NUMB: variants seen among roughly 807,000 people sequenced by gnomAD.
NUMB encodes the protein protein numb homolog.
A neutral mutation model predicts 59.7 loss-of-function variants in NUMB; 29 were observed. The observed-to-expected ratio is 0.49, with a 90% CI of 0.36 to 0.66. NUMB has a LOEUF of 0.66. NUMB is among the 30% of genes least tolerant of loss of function. The pLI, the probability that NUMB is intolerant of heterozygous loss-of-function variation, is 0.00. For synonymous variants in NUMB, 288 were observed against 288.2 expected, an observed-to-expected ratio of 1.00 and a Z score of 0.01; for missense variants, 723 against 822.0, an observed-to-expected ratio of 0.88 and a Z score of 1.47.
chr14:73,435,095 C>T (rs1435917867), intron 1 of NUMB, among the ~76,000 whole-genome samples: 3 of 152,038 alleles, frequency 2.0e-5, no homozygotes, highest in Non-Finnish European at 4.4e-5. Context: ...CTGGAAAACA[C>T]AAGTTACAAC....
intron 6 of NUMB, among the ~76,000 whole-genome samples, chr14:73,311,106 C>A (rs1320928487): frequency 6.6e-6 from 1 of 152,088 alleles, no homozygotes; most frequent in Non-Finnish European, 1.5e-5. Context: ...GGCTGAAGTG[C>A]AGTGTCATGA....
chr14:73,335,095 T>C (rs150300663), intron 4 of NUMB, among the ~76,000 whole-genome samples: 1 of 151,994 alleles, frequency 6.6e-6, no homozygotes, highest in East Asian at 1.9e-4. Flanking sequence ...TAAGGCTCAT[T>C]TCTACTACTA....
chr14:73,395,037 T>TTGTGTGTGTGTGTGTGTGTGTG lies in NUMB; in HGVS notation c.-101+14878_-101+14899dup, dbSNP rs3028731. Among the ~76,000 whole-genome samples the TTGTGTGTGTGTGTGTGTGTGTG allele has an allele frequency of 2.6e-4, 31 of 119,996 alleles. 1 individual carries two copies. The highest frequency in any genetic ancestry group is 5.2e-4 in the East Asian group (2 of 3,814). 78.7% of individuals were successfully genotyped at this position (119,996 alleles called of 152,430 possible). ...TTAAGGTTGAATAGTATTCGTGTGTTTGTGTGTGTGTGTGTGTGTGTGTGT... is the reference window on the plus strand; with the variant it reads ...TTAAGGTTGAATAGTATTCGTGTGTTTGTGTGTGTGTGTGTGTGTGTGTGTGTGTGTGTGTGTGTGTGTGTGT... On this transcript the variant is annotated intron_variant, in intron 2 of 12. Transcript: ENST00000555238.
intron 2 of NUMB, among the ~76,000 whole-genome samples, chr14:73,407,269 C>T (rs1324559167): frequency 6.6e-6 from 1 of 151,964 alleles, no homozygotes; most frequent in Admixed American, 6.6e-5. Context: ...CTGGGCAATA[C>T]AGCAAAACCC....
chr14:73,449,877 G>A (rs1055351843), intron 1 of NUMB, among the ~76,000 whole-genome samples: 12 of 152,100 alleles, frequency 7.9e-5, no homozygotes, highest in African/African-American at 2.2e-4. Context: ...TAGTAGACAC[G>A]GGCTTTCGCC....
At chr14:73,278,706 G>A (rs1205481849) in intron 12 of NUMB, among the ~76,000 whole-genome samples, 1 of 149,542 alleles carries the variant, frequency 6.7e-6, no homozygotes, top group Admixed American at 6.7e-5. Context: ...ATTCTCTGAG[G>A]TGGGGCCCTG....
intron 11 of NUMB, 74 bp downstream of exon 11, chr14:73,282,285 C>T (rs1777686792): frequency 2.0e-6 from 3 of 1,496,638 alleles, no homozygotes; most frequent in Non-Finnish European, 2.7e-6. Context: ...AGGATGCCAA[C>T]TTACAGTTAG....
chr14:73,386,410 A>AT (rs1269321381), intron 2 of NUMB, among the ~76,000 whole-genome samples: 1 of 152,182 alleles, frequency 6.6e-6, no homozygotes, highest in East Asian at 1.9e-4. Context: ...ACCCACCCAT[A>AT]CACCACCAGA....
rs753217596 is a variant in NUMB at position 73,284,249 on chromosome 14, T to C, written c.781A>G (p.Ile261Val). The C allele has an allele frequency of 1.2e-6, 2 of 1,614,140 alleles. No individual in the cohort carries two copies. Among genetic ancestry groups the C allele is most frequent in the Non-Finnish European group, 8.5e-7 (1 of 1,180,014 alleles). ...TSLEMNNPHA[I>V]PRRHAPIEQL... is the part of the protein sequence containing the mutation. The stretch of plus-strand genomic sequence containing the variant: ...TCAATTGGAGCATGCCGGCGTGGGA[T>C]GGCATGAGGATTGTTCATCTCCAGA... The change falls in exon 10 of 13, where the codon ATC becomes GTC. Residue 261 changes from isoleucine (I) to valine (V), a missense_variant. Physicochemically the swap from Ile to Val is conservative, Grantham distance 29. Around this residue, in one of 2 missense-constraint regions of NUMB, gnomAD observed 317 missense variants for 436.6 expected, o/e 0.73. Coordinates refer to ENST00000555238, the MANE Select transcript of NUMB (RefSeq NM_001005743.2).
chr14:73,296,300 G>A (rs1889765597), intron 7 of NUMB, among the ~76,000 whole-genome samples: 1 of 152,164 alleles, frequency 6.6e-6, no homozygotes, highest in South Asian at 2.1e-4. Flanking sequence ...AAAATTAGCG[G>A]GGCATGGTGG....
At chr14:73,390,638 C>CTTTTTTTTTTTTTTTTTTTTTTTTTT in intron 2 of NUMB, among the ~76,000 whole-genome samples, 1 of 39,384 alleles carries the variant, frequency 2.5e-5, no homozygotes, top group Non-Finnish European at 4.7e-5. Context: ...AAAACAAAGT[C>CTTTTTTTTTTTTTTTTTTTTTTTTTT]TTTTTTTTTT....
In NUMB at chr14:73,355,698, C is replaced by T. The variant is rs771399543; in HGVS notation, c.54G>A (p.Glu18=). ...TCTGCCACTGATGTGGACGACTGGC[C>T]TCTGGAACATAAACATCCTTCTTTC... The part of the protein sequence containing the change: ...FRRKKDVYVP[E]ASRPHQWQTD... The change falls in exon 4 of 13, where the codon GAG becomes GAA. Residue 18 remains glutamate (E), a synonymous_variant. Transcript: ENST00000555238. 1.2e-6 allele frequency: 2 copies of T among 1,613,664 alleles called. No homozygotes were observed. The highest frequency in any genetic ancestry group is 1.7e-4 in the Middle Eastern group (1 of 6,058).
At chr14:73,422,908 CA>C (rs143271018) in intron 1 of NUMB, among the ~76,000 whole-genome samples, 57 of 123,086 alleles carry the variant, frequency 4.6e-4, no homozygotes, top group Non-Finnish European at 4.6e-4. Flanking sequence ...GATCCTGTCT[CA>C]AAAAAAAAAA....
At chr14:73,455,401 A>G (rs563166541) in intron 1 of NUMB, among the ~76,000 whole-genome samples, 8 of 152,362 alleles carry the variant, frequency 5.3e-5, no homozygotes, top group African/African-American at 1.9e-4. Context: ...CCACGTACAG[A>G]TAAAACATAC....
intron 2 of NUMB, among the ~76,000 whole-genome samples, chr14:73,406,300 T>C (rs941007763): frequency 7.4e-6 from 1 of 135,952 alleles, no homozygotes; most frequent in Non-Finnish European, 1.5e-5. Context: ...TGTGTCCAAG[T>C]GTTCTCATTG....
At chr14:73,353,620 G>GT (rs1172910924) in intron 4 of NUMB, among the ~76,000 whole-genome samples, 30 of 148,762 alleles carry the variant, frequency 2.0e-4, no homozygotes, top group Non-Finnish European at 2.2e-4. Flanking sequence ...GCTGAGGCAG[G>GT]AGAATCGTTT....
intron 1 of NUMB, among the ~76,000 whole-genome samples, chr14:73,447,537 T>C (rs1413355055): frequency 6.6e-6 from 1 of 150,826 alleles, no homozygotes; most frequent in Non-Finnish European, 1.5e-5. Context: ...TACAGAAAGA[T>C]ACTAAGAAAT....
intron 11 of NUMB, among the ~76,000 whole-genome samples, chr14:73,279,927 T>TG (rs1233695729): frequency 1.3e-4 from 20 of 152,228 alleles, no homozygotes; most frequent in African/African-American, 4.6e-4. Flanking sequence ...GAGGCCGAGG[T>TG]GGGTGGATCA....
chr14:73,423,404 C>T (rs1019874147), intron 1 of NUMB, among the ~76,000 whole-genome samples: 1 of 151,248 alleles, frequency 6.6e-6, no homozygotes, highest in East Asian at 1.9e-4. Context: ...TTTGGGAGAC[C>T]GAGGCAGGCG....
Sources: allele counts gnomAD v4.1 joint callset (sites outside exome capture counted in the v4.1 genomes callset), GRCh38; gene constraint gnomAD v4.1.1; regional missense constraint gnomAD v4.1.1; transcripts MANE v1.5; gene names NCBI Gene and HGNC (gene_info 2026-07-23, HGNC 2026-07-21).